The following RFLNA variants were observed in gnomAD, a reference collection of about 807,000 sequenced individuals.
RFLNA encodes the protein refilin-A.
A neutral mutation model predicts 7.8 loss-of-function variants in RFLNA; 5 were observed. The observed-to-expected ratio is 0.64, with a 90% CI of 0.34 to 1.35. The LOEUF is 1.35. Ranked by LOEUF, RFLNA falls within the 40% of genes most tolerant of loss-of-function variation. The probability of loss-of-function intolerance (pLI) is 0.04; values close to 1 mark genes in which losing one functional copy is unlikely to be tolerated. For synonymous variants in RFLNA, 141 were observed against 131.3 expected, an observed-to-expected ratio of 1.07 and a Z score of -0.50; for missense variants, 278 against 305.5, an observed-to-expected ratio of 0.91 and a Z score of 0.67.
upstream of RFLNA, among the ~76,000 whole-genome samples, chr12:124,290,354 GTA>G (rs1425144527): frequency 6.7e-6 from 1 of 150,030 alleles, no homozygotes; most frequent in East Asian, 2.1e-4. The surrounding 1 kb of genome is among the most constrained non-coding windows in gnomAD (Gnocchi z 4.0). Context: ...GTGCATATGT[GTA>G]TGTGTGTATT....
In RFLNA at chr12:124,296,420, A is replaced by C. The variant is rs1258863284; in HGVS notation, c.207+784A>C. ...GGCACCCCCCGGCAGGCGGGGAAGC[A>C]TATGGGCCGAGCGGGCGCCTTTGCA... On this transcript the variant is annotated intron_variant, in intron 1 of 2. Coordinates refer to ENST00000546355, the MANE Select transcript of RFLNA (RefSeq NM_001365156.1). 1.3e-5 allele frequency among the ~76,000 whole-genome samples: 2 copies of C among 151,396 alleles called. 1 individual carries two copies. The highest frequency in any genetic ancestry group is 2.9e-5 in the Non-Finnish European group (2 of 67,820).
At chr12:124,290,671 A>G (rs2033810205), upstream of RFLNA, among the ~76,000 whole-genome samples, 3 of 152,222 alleles carry the variant, frequency 2.0e-5, no homozygotes, top group Non-Finnish European at 4.4e-5. This position sits in a 1 kb window ranked among gnomAD's most constrained non-coding sequence, Gnocchi z 4.0. Context: ...GTGATTTCAC[A>G]CAGAGAGGCA....
At chr12:124,311,597 T>G in intron 1 of RFLNA, 1 of 446,014 alleles carries the variant, frequency 2.2e-6, no homozygotes, top group Non-Finnish European at 3.9e-6. Flanking sequence ...AGGCTGGTGG[T>G]GGAGAGCTGG....
In RFLNA at chr12:124,295,801, G is replaced by T. The variant is rs372650436; in HGVS notation, c.207+165G>T. Among the ~76,000 whole-genome samples, 41 of 152,262 alleles carry T rather than the reference G, an allele frequency of 2.7e-4. 1 individual carries two copies. In the East Asian group the frequency reaches 7.3e-3, roughly 27 times the overall value. On this transcript the variant is annotated intron_variant, in intron 1 of 2. Transcript: ENST00000546355. The stretch of plus-strand genomic sequence containing the variant: ...AGCCACGCTTCTCAGGTGGGGACCA[G>T]GGTGTGTAGGGGGAGGTGATCCAGG...
At chr12:124,294,574 C>A (rs2033871382), upstream of RFLNA, among the ~76,000 whole-genome samples, 2 of 147,646 alleles carry the variant, frequency 1.4e-5, no homozygotes, top group Non-Finnish European at 3.0e-5. Flanking sequence ...CCGGGGGATT[C>A]CCGGAAGTGC....
intron 1 of RFLNA, among the ~76,000 whole-genome samples, chr12:124,297,754 TA>T (rs1232708018): frequency 1.3e-5 from 2 of 152,108 alleles, no homozygotes; most frequent in Non-Finnish European, 2.9e-5. Context: ...CTGCTTTCAA[TA>T]AAAGGGAGAA....
chr12:124,293,317 T>A (rs2033851689), upstream of RFLNA, among the ~76,000 whole-genome samples: 1 of 152,178 alleles, frequency 6.6e-6, no homozygotes, highest in African/African-American at 2.4e-5. Flanking sequence ...TGGGTAGCTA[T>A]TGTGGCCAAG....
Position 124,311,918 on chromosome 12 carries a change from A to G in RFLNA, c.308A>G (p.His103Arg). ...ATCAAGGTGAACCCGGAACCCACGC[A>G]TGAGATCCGGTGAGTGGGCCACTGG... ...ESIKVNPEPTHEIRCNSEVKY... is the reference protein window; with the variant it reads ...ESIKVNPEPTREIRCNSEVKY... Residue 103 changes from histidine (H) to arginine (R), a missense_variant, in exon 2 of 3, where the codon CAT becomes CGT. His to Arg is a conservative substitution (Grantham distance 29). Coordinates refer to ENST00000546355, the MANE Select transcript of RFLNA (RefSeq NM_001365156.1). The G allele has an allele frequency of 7.0e-7, 1 of 1,428,356 alleles. No homozygotes were observed. Among genetic ancestry groups the G allele is most frequent in the Non-Finnish European group, 9.4e-7 (1 of 1,068,184 alleles). 88.5% of individuals were successfully genotyped at this position (1,428,356 alleles called of 1,614,324 possible).
intron 1 of RFLNA, among the ~76,000 whole-genome samples, chr12:124,300,582 G>GGATT (rs1434728424): frequency 6.6e-6 from 1 of 151,636 alleles, no homozygotes; most frequent in Non-Finnish European, 1.5e-5. Context: ...ATGGATGGAT[G>GGATT]GATAGATAGA....
At chr12:124,290,350 A>G (rs373723686), upstream of RFLNA, among the ~76,000 whole-genome samples, 24 of 150,578 alleles carry the variant, frequency 1.6e-4, 1 homozygote, top group East Asian at 8.2e-4. The surrounding 1 kb of genome is among the most constrained non-coding windows in gnomAD (Gnocchi z 4.0). Context: ...GTGTGTGCAT[A>G]TGTGTATGTG....
At chr12:124,308,488 C>T (rs992128715) in intron 1 of RFLNA, among the ~76,000 whole-genome samples, 4 of 152,330 alleles carry the variant, frequency 2.6e-5, no homozygotes, top group African/African-American at 4.8e-5. Flanking sequence ...CACCTCTGGC[C>T]GTGTTTTTGG....
At chr12:124,302,710 C>T (rs1382762963) in intron 1 of RFLNA, among the ~76,000 whole-genome samples, 1 of 152,058 alleles carries the variant, frequency 6.6e-6, no homozygotes, top group Non-Finnish European at 1.5e-5. Flanking sequence ...CTCAGATTCC[C>T]AGTGTATATC....
chr12:124,295,582 C>T lies in RFLNA; in HGVS notation c.153C>T (p.Arg51=). Reference sequence around the variant, plus strand: ...TGGCGCCCGGCATCCTCGACGCGCGCGCGGGGGGCGCCGGCGCCTCCTCGG... The same window carrying T: ...TGGCGCCCGGCATCCTCGACGCGCGTGCGGGGGGCGCCGGCGCCTCCTCGG... ...YSLAPGILDA[R]AGGAGASSEP... is the part of the protein sequence containing the mutation. The change falls in exon 1 of 3, where the codon CGC becomes CGT. Residue 51 remains arginine, a synonymous_variant. Coordinates refer to ENST00000546355, the MANE Select transcript of RFLNA (RefSeq NM_001365156.1). 1 of 1,220,542 alleles carries T rather than the reference C, an allele frequency of 8.2e-7. No individual in the cohort carries two copies. Among genetic ancestry groups the T allele is most frequent in the Non-Finnish European group, 1.0e-6 (1 of 982,548 alleles). The allele number at this position is 1,220,542 out of a possible 1,614,324, so 75.6% of individuals were successfully genotyped here. A position where few individuals can be genotyped will look rare whatever the true frequency, so the allele number is the denominator to read the frequency against.
intron 1 of RFLNA, among the ~76,000 whole-genome samples, chr12:124,303,932 TC>T (rs2034093291): frequency 6.6e-6 from 1 of 152,022 alleles, no homozygotes; most frequent in Non-Finnish European, 1.5e-5. Context: ...CAATGACAGG[TC>T]CCCGTGTGCA....
rs2034325984 is a variant in RFLNA, at chr12:124,314,986, G to A, written c.*461G>A. 4 of 303,900 alleles carry A rather than the reference G, an allele frequency of 1.3e-5. No individual in the cohort carries two copies. Among genetic ancestry groups the A allele is most frequent in the Admixed American group, 8.4e-5 (2 of 23,752 alleles). 18.8% of individuals were successfully genotyped at this position (303,900 alleles called of 1,614,324 possible). A position where few individuals can be genotyped will look rare whatever the true frequency, so the allele number is the denominator to read the frequency against. On this transcript the variant is annotated 3_prime_UTR_variant, in exon 3 of 3. Transcript: ENST00000546355. ...GTGGCCAAGGCCATGTGTGAGGGAA[G>A]AGGGGTACCTCTCTTCCCTGCTGCT... is the stretch of plus-strand genomic sequence containing the variant.
intron 1 of RFLNA, among the ~76,000 whole-genome samples, chr12:124,303,693 T>C (rs2034087705): frequency 6.6e-6 from 1 of 152,280 alleles, no homozygotes; most frequent in Non-Finnish European, 1.5e-5. Flanking sequence ...TCCCTGATGG[T>C]CCCCCAGCCC....
intron 1 of RFLNA, among the ~76,000 whole-genome samples, chr12:124,304,490 C>T (rs555304088): frequency 2.6e-5 from 4 of 152,310 alleles, no homozygotes; most frequent in Admixed American, 2.0e-4. Flanking sequence ...AGGTGGGGAG[C>T]GGGACCGGGC....
chr12:124,315,909 A>G lies in RFLNA; in HGVS notation c.*1384A>G, dbSNP rs1017861408. ...ACATCCAGGAGGGGCAAAATGACTG[A>G]TGTATTTTTATGTATCTACACAGAG... On this transcript the variant is annotated 3_prime_UTR_variant, in exon 3 of 3. Transcript: ENST00000546355. 3.3e-5 allele frequency: 5 copies of G among 151,654 alleles called. No individual in the cohort carries two copies. The highest frequency in any genetic ancestry group is 1.2e-4 in the African/African-American group (5 of 41,238). 9.4% of individuals were successfully genotyped at this position (151,654 alleles called of 1,614,324 possible). A position where few individuals can be genotyped will look rare whatever the true frequency, so the allele number is the denominator to read the frequency against.
At chr12:124,309,927 G>A (rs892709862) in intron 1 of RFLNA, among the ~76,000 whole-genome samples, 3 of 152,134 alleles carry the variant, frequency 2.0e-5, no homozygotes, top group Non-Finnish European at 4.4e-5. Context: ...CCAGCTCTTT[G>A]AGAGGCCAGG....
Sources: gnomAD v4.1 joint callset for allele counts (sites outside exome capture counted in the v4.1 genomes callset) on GRCh38, gnomAD v4.1.1 for gene constraint, Gnocchi (gnomAD v3.1) non-coding constraint, MANE v1.5 for transcripts, NCBI Gene and HGNC (gene_info 2026-07-23, HGNC 2026-07-21) for gene names.